The following ANO4 variants were observed in gnomAD, a reference collection of about 807,000 sequenced individuals.
ANO4 encodes the protein anoctamin-4.
A neutral mutation model predicts 141.9 loss-of-function variants in ANO4; 69 were observed. The ratio of observed to expected loss-of-function variants is 0.49; its 90% confidence interval spans 0.40 to 0.59. The LOEUF is 0.59. Ranked by LOEUF, ANO4 falls within the 20% of genes least tolerant of loss-of-function variation. The pLI is 0.00. For missense variants in ANO4, 894 were observed against 1,162.2 expected, an observed-to-expected ratio of 0.77 and a Z score of 3.36; for synonymous variants, 350 against 394.3, an observed-to-expected ratio of 0.89 and a Z score of 1.33.
rs571174923 is a variant in ANO4, at chr12:100,812,894, C to A, written c.-141+17867C>A. On this transcript the variant is annotated intron_variant, in intron 1 of 27. Transcript: ENST00000392977. Reference sequence around the variant, plus strand: ...TTTTGTAAAAGCAGTCGGCAAGGTTCTGTTTAGGAATCAGTTCTCTGCTGG... The same window carrying A: ...TTTTGTAAAAGCAGTCGGCAAGGTTATGTTTAGGAATCAGTTCTCTGCTGG... Among the ~76,000 whole-genome samples, 211 of 152,336 alleles carry A rather than the reference C, an allele frequency of 1.4e-3. 4 individuals are homozygous for A. In the Middle Eastern group the frequency reaches 0.02, roughly 15 times the overall value.
chr12:101,048,290 G>A, intron 13 of ANO4, 51 bp from the exon 14 acceptor site: 1 of 1,570,396 alleles, frequency 6.4e-7, no homozygotes, highest in Non-Finnish European at 8.7e-7. Flanking sequence ...AATTTGAATT[G>A]GAATATCATA....
chr12:101,048,002 G>T, intron 13 of ANO4: 1 of 1,023,028 alleles, frequency 9.8e-7, no homozygotes, highest in Non-Finnish European at 1.2e-6. Context: ...ATACCTTCCT[G>T]GTCCTAAATA....
intron 8 of ANO4, among the ~76,000 whole-genome samples, chr12:100,994,391 C>T (rs1004423044): frequency 6.6e-6 from 1 of 152,298 alleles, no homozygotes; most frequent in Admixed American, 6.5e-5. Flanking sequence ...CGATGACACC[C>T]TTGAGGCAAT....
At chr12:101,098,083 C>T in intron 21 of ANO4, 138 bp downstream of exon 21, 3 of 697,218 alleles carry the variant, frequency 4.3e-6, no homozygotes, top group Non-Finnish European at 7.4e-6. Flanking sequence ...CACATTTAGA[C>T]ATCCAAAGGC....
intron 1 of ANO4, among the ~76,000 whole-genome samples, chr12:100,896,087 A>G (rs919986235): frequency 6.6e-6 from 1 of 152,152 alleles, no homozygotes; most frequent in African/African-American, 2.4e-5. Flanking sequence ...AGAAAAGGCC[A>G]AAATCAAAAC....
chr12:101,078,196 A>G (rs749716238), intron 14 of ANO4, among the ~76,000 whole-genome samples: 3 of 152,152 alleles, frequency 2.0e-5, no homozygotes, highest in African/African-American at 7.2e-5. Flanking sequence ...TTCCTAATAT[A>G]TATTTATTGT....
chr12:100,887,698 A>C (rs2039905795), intron 1 of ANO4, among the ~76,000 whole-genome samples: 1 of 152,202 alleles, frequency 6.6e-6, no homozygotes, highest in South Asian at 2.1e-4. Flanking sequence ...GGCACAGAGA[A>C]AGCTCTTGAC....
rs143978255 is a variant in ANO4, at chr12:100,960,865, C to A, written c.457-10441C>A. ...AGTTGTCCCCAAGTTCAGTTTATCTCATATACCATCTAGAAGAGTAGGGAA... is the reference window on the plus strand; with the variant it reads ...AGTTGTCCCCAAGTTCAGTTTATCTAATATACCATCTAGAAGAGTAGGGAA... On this transcript the variant is annotated intron_variant, in intron 5 of 27. Transcript: ENST00000392977. 2.9e-3 allele frequency among the ~76,000 whole-genome samples: 446 copies of A among 152,268 alleles called. 3 individuals are homozygous for A. Among genetic ancestry groups the A allele is most frequent in the African/African-American group, 0.01 (424 of 41,548 alleles).
At chr12:100,919,854 T>G (rs531218156) in intron 2 of ANO4, among the ~76,000 whole-genome samples, 44 of 152,134 alleles carry the variant, frequency 2.9e-4, no homozygotes, top group African/African-American at 9.2e-4. Flanking sequence ...CCCACATCAT[T>G]AAGTATTCTT....
intron 3 of ANO4, among the ~76,000 whole-genome samples, chr12:100,938,510 A>G (rs568858479): frequency 1.2e-4 from 18 of 152,384 alleles, no homozygotes; most frequent in African/African-American, 4.3e-4. Flanking sequence ...GCATCAAAAG[A>G]AAAAGTGAAC....
At chr12:100,794,676 A>C (rs1040112697), upstream of ANO4, 2 of 152,218 alleles carry the variant, frequency 1.3e-5, no homozygotes, top group Admixed American at 6.6e-5. Flanking sequence ...AGCCCAGCCT[A>C]GTGCCCACCC....
At chr12:101,063,745 C>CTGTTTTTT (rs2048447523) in intron 14 of ANO4, among the ~76,000 whole-genome samples, 1 of 24,770 alleles carries the variant, frequency 4.0e-5, no homozygotes, top group Non-Finnish European at 6.7e-5. Context: ...TCCAGGTTAT[C>CTGTTTTTT]TTTTTTTTTT....
At chr12:100,877,740 C>G (rs1018827363) in intron 1 of ANO4, among the ~76,000 whole-genome samples, 1 of 152,000 alleles carries the variant, frequency 6.6e-6, no homozygotes, top group Non-Finnish European at 1.5e-5. Context: ...TGCTCAGGTG[C>G]AAGTACAGAG....
At chr12:100,762,687 C>T (rs1455763644) in intron 3 of ANO4, among the ~76,000 whole-genome samples, 1 of 152,072 alleles carries the variant, frequency 6.6e-6, no homozygotes, top group Non-Finnish European at 1.5e-5. Context: ...AGGTCTCAGG[C>T]CCTTCCAGAA....
chr12:100,805,511 A>G (rs1243059718), intron 1 of ANO4, among the ~76,000 whole-genome samples: 1 of 152,168 alleles, frequency 6.6e-6, no homozygotes, highest in African/African-American at 2.4e-5. Flanking sequence ...GTTTAATGGT[A>G]ATAGTATTGA....
intron 5 of ANO4, among the ~76,000 whole-genome samples, chr12:100,971,015 T>C (rs2136272544): frequency 6.6e-6 from 1 of 152,344 alleles, no homozygotes; most frequent in South Asian, 2.1e-4. Flanking sequence ...ACGCCTGGCC[T>C]ATCCTTGCTT....
chr12:100,838,824 G>A (rs1036008674), intron 1 of ANO4, among the ~76,000 whole-genome samples: 1 of 152,158 alleles, frequency 6.6e-6, no homozygotes, highest in Non-Finnish European at 1.5e-5. Flanking sequence ...CAGAGAGACT[G>A]CAGGTAGGAA....
At chr12:100,924,431 T>C (rs776723451) in intron 3 of ANO4, among the ~76,000 whole-genome samples, 4 of 152,102 alleles carry the variant, frequency 2.6e-5, no homozygotes, top group Admixed American at 2.0e-4. Context: ...GTTCCTTCAT[T>C]TAATTCCTTC....
intron 1 of ANO4, among the ~76,000 whole-genome samples, chr12:100,876,333 C>T (rs942400388): frequency 7.5e-5 from 11 of 147,368 alleles, no homozygotes; most frequent in African/African-American, 1.0e-4. Flanking sequence ...CTAGTGATGT[C>T]GACAAGAGCC....
Sources: allele counts gnomAD v4.1 joint callset (sites outside exome capture counted in the v4.1 genomes callset), GRCh38; gene constraint gnomAD v4.1.1; transcripts MANE v1.5; gene names NCBI Gene and HGNC (gene_info 2026-07-23, HGNC 2026-07-21).